ZNF529: variants seen among roughly 807,000 people sequenced by gnomAD.
ZNF529 encodes the protein zinc finger protein 529.
Under a neutral mutation model 10.1 loss-of-function variants are expected in ZNF529, and 11 were observed. The observed-to-expected ratio is 1.09, with a 90% CI of 0.69 to 1.81. The LOEUF is 1.81. Among genes scored for constraint, ZNF529 ranks in the 40% most tolerant of loss-of-function variants. The pLI is 0.00. For missense variants in ZNF529, 624 were observed against 666.8 expected, an observed-to-expected ratio of 0.94 and a Z score of 0.71; for synonymous variants, 204 against 215.7, an observed-to-expected ratio of 0.95 and a Z score of 0.47.
At chr19:36,588,096 C>T (rs558909032) in intron 2 of ZNF529, among the ~76,000 whole-genome samples, 8 of 152,018 alleles carry the variant, frequency 5.3e-5, no homozygotes, top group Non-Finnish European at 8.8e-5. Flanking sequence ...TGCAGTGAGC[C>T]GAGATCATGC....
intron 1 of ZNF529, among the ~76,000 whole-genome samples, chr19:36,604,402 G>T (rs1355821667): frequency 6.6e-6 from 1 of 151,980 alleles, no homozygotes. Context: ...CTTTCTTTTC[G>T]ATAGCCATTT....
chr19:36,577,712 G>A (rs2036360320), upstream of ZNF529: 1 of 152,370 alleles, frequency 6.6e-6, no homozygotes, highest in Non-Finnish European at 1.5e-5. Flanking sequence ...AAACTCCTGG[G>A]CTCAAGTGAT....
Position 36,546,758 on chromosome 19 carries a change from A to G in ZNF529, c.*108T>C, listed in dbSNP as rs767769701. The G allele has an allele frequency of 1.2e-4, 142 of 1,214,396 alleles. No homozygotes were observed. The highest frequency in any genetic ancestry group is 1.5e-4 in the Non-Finnish European group (130 of 877,112). 75.2% of individuals were successfully genotyped at this position (1,214,396 alleles called of 1,614,324 possible). ...TACAGAATGACCATGAAGTCTAAAA[A>G]CAGACTTTAAGAGAGGGAGATACTG... On this transcript the variant is annotated 3_prime_UTR_variant, in exon 5 of 5. Transcript: ENST00000591340.
intron 2 of ZNF529, among the ~76,000 whole-genome samples, chr19:36,557,504 C>T (rs1264131261): frequency 2.6e-5 from 4 of 152,142 alleles, no homozygotes; most frequent in Non-Finnish European, 5.9e-5. Flanking sequence ...CTTATAAAAC[C>T]ATCAGCTCCT....
chr19:36,544,457 T>G lies in ZNF529; in HGVS notation c.*2409A>C, dbSNP rs2034940522. On this transcript the variant is annotated 3_prime_UTR_variant, in exon 5 of 5. Coordinates refer to ENST00000591340, the MANE Select transcript of ZNF529 (RefSeq NM_020951.5). ...ATATTTAGTTTTAATTTGTTTAAGCTGGAAGGAAAAAAACACACACAAAGA... is the reference window on the plus strand; with the variant it reads ...ATATTTAGTTTTAATTTGTTTAAGCGGGAAGGAAAAAAACACACACAAAGA... 1 of 152,114 alleles carries G rather than the reference T, an allele frequency of 6.6e-6. No homozygotes were observed. Among genetic ancestry groups the G allele is most frequent in the Admixed American group, 6.5e-5 (1 of 15,268 alleles). 9.4% of individuals were successfully genotyped at this position (152,114 alleles called of 1,614,324 possible). A position where few individuals can be genotyped will look rare whatever the true frequency, so the allele number is the denominator to read the frequency against.
In ZNF529 at chr19:36,596,329, C is replaced by T. The variant is rs576927742; in HGVS notation, c.-127-6628G>A. On this transcript the variant is annotated intron_variant, in intron 1 of 4. Coordinates refer to the ZNF529 transcript ENST00000585960. ...CCTCGTGATCCACCTGCCTCAGCCT[C>T]CTAAGGTGCTGGGATTACAGACGTG... Among the ~76,000 whole-genome samples, 291 of 152,074 alleles carry T rather than the reference C, an allele frequency of 1.9e-3. 2 individuals carry two copies. Among genetic ancestry groups the T allele is most frequent in the African/African-American group, 6.8e-3 (283 of 41,480 alleles).
rs540776276 is a variant in ZNF529, at chr19:36,546,909, G to T, written c.1649C>A (p.Thr550Asn). 2 of 1,612,072 alleles carry T rather than the reference G, an allele frequency of 1.2e-6. No homozygotes were observed. The highest frequency in any genetic ancestry group is 1.7e-6 in the Non-Finnish European group (2 of 1,178,874). Residue 550 changes from threonine (T) to asparagine (N), a missense_variant, in exon 5 of 5, where the codon ACT becomes AAT. Physicochemically the swap from Thr to Asn is moderately conservative, Grantham distance 65. Coordinates refer to ENST00000591340, the MANE Select transcript of ZNF529 (RefSeq NM_020951.5). ...ACCAGTGTAAATTTTCGGTTGGCAAGTAAGATGCCCAACAACACTAAAGGA... is the reference window on the plus strand; with the variant it reads ...ACCAGTGTAAATTTTCGGTTGGCAATTAAGATGCCCAACAACACTAAAGGA... ...GNSFSVVGHLTCQPKIYTGEK... is the reference protein window; with the variant it reads ...GNSFSVVGHLNCQPKIYTGEK...
chr19:36,579,069 G>A (rs1424512074), intron 2 of ZNF529, among the ~76,000 whole-genome samples: 3 of 151,910 alleles, frequency 2.0e-5, no homozygotes, highest in East Asian at 2.0e-4. Context: ...AGGCATGGTC[G>A]TGGGTGCCTG....
chr19:36,547,873 A>G lies in ZNF529; in HGVS notation c.685T>C (p.Tyr229His). 1 of 1,612,182 alleles carries G rather than the reference A, an allele frequency of 6.2e-7. No homozygotes were observed. The highest frequency in any genetic ancestry group is 8.5e-7 in the Non-Finnish European group (1 of 1,178,668). ...CTACATGTATTCCCATATTCCATAT[A>G]TTTACAAGGTTTCACACCAGTATGA... is the stretch of plus-strand genomic sequence containing the variant. ...NIHTGVKPCK[Y>H]MEYGNTCSFY... The change falls in exon 5 of 5, where the codon TAT becomes CAT. Residue 229 changes from tyrosine (Y) to histidine (H), a missense_variant. By Grantham distance (83) the Tyr-to-His change is moderately conservative. Transcript: ENST00000591340.
rs2035433623 is a variant in ZNF529 at position 36,555,523 on chromosome 19, C to T, written c.108+581G>A. On this transcript the variant is annotated intron_variant, in intron 3 of 4. Coordinates refer to ENST00000591340, the MANE Select transcript of ZNF529 (RefSeq NM_020951.5). ...TTGTTAGCCAGGATGGTCTCGATCT[C>T]CTGACCTCATGATCCACCCGCCTCG... 7.3e-5 allele frequency among the ~76,000 whole-genome samples: 2 copies of T among 27,260 alleles called. 1 individual carries two copies. Among genetic ancestry groups the T allele is most frequent in the South Asian group, 2.1e-3 (2 of 934 alleles). The allele number at this position is 27,260 out of a possible 152,430, so 17.9% of individuals were successfully genotyped here.
At chr19:36,593,072 G>A (rs183675571) in intron 1 of ZNF529, among the ~76,000 whole-genome samples, 7 of 152,286 alleles carry the variant, frequency 4.6e-5, no homozygotes, top group South Asian at 4.1e-4. Context: ...AAGTCCTAGC[G>A]ATTACAATAA....
upstream of ZNF529, chr19:36,577,420 TA>T: frequency 3.8e-6 from 1 of 266,292 alleles, no homozygotes; most frequent in South Asian, 3.2e-5. Context: ...GTCCCATTTA[TA>T]CAGCTCTATT....
Position 36,556,247 on chromosome 19 carries a change from A to T in ZNF529, c.15-50T>A, listed in dbSNP as rs141193291. The T allele has an allele frequency of 7.8e-5, 59 of 760,532 alleles. No homozygotes were observed. The African/African-American group carries it at 8.8e-4, about 11-fold the overall frequency. The allele number at this position is 760,532 out of a possible 1,614,324, so 47.1% of individuals were successfully genotyped here. A position where few individuals can be genotyped will look rare whatever the true frequency, so the allele number is the denominator to read the frequency against. On this transcript the variant is annotated intron_variant, in intron 2 of 4. Coordinates refer to ENST00000591340, the MANE Select transcript of ZNF529 (RefSeq NM_020951.5). ...GAACCACCATTAAAAGTCTCTGGAA[A>T]TGGTGCTAGGAATGTACAGCAAATG...
At chr19:36,556,257 G>T in intron 2 of ZNF529, 60 bp from the exon 3 acceptor site, 1 of 728,256 alleles carries the variant, frequency 1.4e-6, no homozygotes, top group South Asian at 1.5e-5. Context: ...ATGGTGCTAG[G>T]AATGTACAGC....
chr19:36,578,291 CTTTTTTTTTTTTTTTTT>C (rs1159725232), upstream of ZNF529, among the ~76,000 whole-genome samples: 166 of 31,828 alleles, frequency 5.2e-3, 1 homozygote, highest in Admixed American at 0.011. Flanking sequence ...GTCTTGATCT[CTTTTTTTTTTTTTTTTT>C]TTTTTTTTTT....
At chr19:36,556,055 G>T in intron 3 of ZNF529, 49 bp downstream of exon 3, 1 of 1,538,974 alleles carries the variant, frequency 6.5e-7, no homozygotes, top group African/African-American at 1.4e-5. Context: ...TTGGTAGGAA[G>T]AATCAGAAAA....
rs1445976094 is a variant in ZNF529 at position 36,548,102 on chromosome 19, G to A, written c.456C>T (p.Tyr152=). Residue 152 remains tyrosine, a synonymous_variant, in exon 5 of 5, where the codon TAC becomes TAT. Coordinates refer to ENST00000591340, the MANE Select transcript of ZNF529 (RefSeq NM_020951.5). ...GTAAAGTAAGAGATTCATGAGTTTT[G>A]TAACTGGGCACATTTTCAGAGATGA... ...MKIISENVPS[Y]KTHESLTLPR... 1.9e-6 allele frequency: 3 copies of A among 1,613,818 alleles called. No individual in the cohort carries two copies. Among genetic ancestry groups the A allele is most frequent in the Admixed American group, 3.3e-5 (2 of 60,012 alleles).
intron 4 of ZNF529, 41 bp downstream of exon 4, chr19:36,554,629 T>C: frequency 6.8e-7 from 1 of 1,471,942 alleles, no homozygotes; most frequent in Non-Finnish European, 9.1e-7. Flanking sequence ...GTTGATAGTC[T>C]AGAGAGTATA....
chr19:36,549,186 A>G (rs2035168255), intron 4 of ZNF529, among the ~76,000 whole-genome samples: 1 of 151,882 alleles, frequency 6.6e-6, no homozygotes. Flanking sequence ...ATATTAGTTG[A>G]CCCTAAATAA....
Sources: gnomAD v4.1 joint callset for allele counts (sites outside exome capture counted in the v4.1 genomes callset) on GRCh38, gnomAD v4.1.1 for gene constraint, MANE v1.5 for transcripts, NCBI Gene and HGNC (gene_info 2026-07-23, HGNC 2026-07-21) for gene names.